CDH7: variants seen among roughly 807,000 people sequenced by gnomAD.
CDH7 encodes cadherin-7.
CDH7 carries 25 observed loss-of-function variants against 71.8 expected under a neutral mutation model. That is an observed-to-expected ratio of 0.35 (90% CI 0.25 to 0.49). The LOEUF (loss-of-function observed/expected upper bound fraction) is 0.49, where lower values mean the gene tolerates loss of function less well. Among genes scored for constraint, CDH7 ranks in the 20% least tolerant of loss-of-function variants. CDH7 has a pLI of 0.99. For synonymous variants in CDH7, 381 were observed against 363.8 expected (o/e 1.05, Z -0.54); for missense variants, 862 against 974.6 (o/e 0.88, Z 1.54).
chr18:65,823,753 C>T (rs1315297123), intron 5 of CDH7, among the ~76,000 whole-genome samples: 1 of 151,874 alleles, frequency 6.6e-6, no homozygotes, highest in Non-Finnish European at 1.5e-5. Flanking sequence ...ATATTCTTCT[C>T]AGAGAGAATC....
At chr18:65,872,423 T>G (rs1389461534) in intron 11 of CDH7, among the ~76,000 whole-genome samples, 2 of 152,070 alleles carry the variant, frequency 1.3e-5, no homozygotes, top group Non-Finnish European at 2.9e-5. Flanking sequence ...GGCTGGAAAA[T>G]TTCAGGAAAG....
intron 4 of CDH7, among the ~76,000 whole-genome samples, chr18:65,817,257 T>C (rs538371141): frequency 6.6e-6 from 1 of 152,284 alleles, no homozygotes; most frequent in East Asian, 1.9e-4. Context: ...ATCATAATTT[T>C]ATATAAGAGG....
intron 7 of CDH7, among the ~76,000 whole-genome samples, chr18:65,853,944 T>TATATATATATATATGG (rs1913250948): frequency 8.9e-6 from 1 of 112,778 alleles, no homozygotes; most frequent in African/African-American, 3.4e-5. Flanking sequence ...TATATATATA[T>TATATATATATATATGG]ATATATATAT....
Position 65,881,178 on chromosome 18 carries a change from T to G in CDH7, c.*284T>G, listed in dbSNP as rs1914220939. ...GTGGTTTGTGAATAGATAGCAACTC[T>G]CATATACCTGCAAAGGCACCAAACC... On this transcript the variant is annotated 3_prime_UTR_variant, in exon 12 of 12. Transcript: ENST00000397968. 3.8e-6 allele frequency: 1 copy of G among 266,304 alleles called. No homozygotes were observed. The highest frequency in any genetic ancestry group is 7.1e-6 in the Non-Finnish European group (1 of 141,294). The allele number at this position is 266,304 out of a possible 1,614,324, so 16.5% of individuals were successfully genotyped here. A position where few individuals can be genotyped will look rare whatever the true frequency, so the allele number is the denominator to read the frequency against.
chr18:65,753,982 G>A (rs1400665984), intron 1 of CDH7, among the ~76,000 whole-genome samples: 1 of 152,060 alleles, frequency 6.6e-6, no homozygotes. Context: ...ATCACACGTG[G>A]CCCAAGGTAA....
intron 2 of CDH7, among the ~76,000 whole-genome samples, chr18:65,796,372 A>G (rs923901938): frequency 6.6e-6 from 1 of 152,168 alleles, no homozygotes; most frequent in African/African-American, 2.4e-5. Flanking sequence ...GACTTTCCCA[A>G]GGTGGCATAA....
rs1398832181 is a variant in CDH7, at chr18:65,762,796, T to G, written c.-47T>G. 6.5e-7 allele frequency: 1 copy of G among 1,545,760 alleles called. No homozygotes were observed. Among genetic ancestry groups the G allele is most frequent in the African/African-American group, 1.4e-5 (1 of 72,262 alleles). On this transcript the variant is annotated 5_prime_UTR_variant, in exon 2 of 12. Transcript: ENST00000397968. ...GCCAACTGGAACTGTGCCTTTTCTC[T>G]TGTCAAGGTTTTTTTCTTACACAGG...
intron 6 of CDH7, among the ~76,000 whole-genome samples, chr18:65,834,346 A>G (rs544706492): frequency 2.2e-4 from 34 of 152,290 alleles, no homozygotes; most frequent in Non-Finnish European, 4.0e-4. Context: ...GAAAAGCTCT[A>G]TAGTACATTC....
intron 11 of CDH7, among the ~76,000 whole-genome samples, chr18:65,878,403 G>T (rs1390598364): frequency 6.6e-6 from 1 of 152,102 alleles, no homozygotes; most frequent in East Asian, 1.9e-4. Context: ...AAAGTTACTT[G>T]TTCCAACATC....
chr18:65,774,316 A>T (rs115982453), intron 2 of CDH7, among the ~76,000 whole-genome samples: 5,105 of 152,114 alleles, frequency 0.034, 277 homozygotes, highest in African/African-American at 0.12. Flanking sequence ...AGCTATAATA[A>T]AATTAAACAT....
In CDH7 at chr18:65,857,967, T is replaced by C; in HGVS notation, c.1372+15T>C. Reference sequence around the variant, plus strand: ...AATGGAGAGCCGTAAGTTGTGAGGCTTAAAACTAAATTAAGATGGAGGACA... The same window carrying C: ...AATGGAGAGCCGTAAGTTGTGAGGCCTAAAACTAAATTAAGATGGAGGACA... On this transcript the variant is annotated intron_variant, in intron 8 of 11. Transcript: ENST00000397968. 1.2e-6 allele frequency: 2 copies of C among 1,611,542 alleles called. No homozygotes were observed. Among genetic ancestry groups the C allele is most frequent in the Non-Finnish European group, 8.5e-7 (1 of 1,178,462 alleles).
In CDH7 at chr18:65,885,854, A is replaced by G. The variant is rs528687114; in HGVS notation, c.*4960A>G. 2 of 152,346 alleles carry G rather than the reference A, an allele frequency of 1.3e-5. No homozygotes were observed. The highest frequency in any genetic ancestry group is 6.5e-5 in the Admixed American group (1 of 15,308). 9.4% of individuals were successfully genotyped at this position (152,346 alleles called of 1,614,324 possible). A position where few individuals can be genotyped will look rare whatever the true frequency, so the allele number is the denominator to read the frequency against. Reference sequence around the variant, plus strand: ...GAGAAATATCTTATTTGCTGTAACAATCTAATTTATATTAAGGTAAGGATT... The same window carrying G: ...GAGAAATATCTTATTTGCTGTAACAGTCTAATTTATATTAAGGTAAGGATT... On this transcript the variant is annotated 3_prime_UTR_variant, in exon 12 of 12. Coordinates refer to ENST00000397968, the MANE Select transcript of CDH7 (RefSeq NM_004361.5).
rs138826876 is a variant in CDH7 at position 65,843,901 on chromosome 18, G to A, written c.1071G>A (p.Pro357=). ...ACCCTCGCTTTCTGAGCTTGGGTCC[G>A]TTCAGTGACACGACAACTGTGAAGA... The part of the protein sequence containing the change: ...DADPRFLSLG[P]FSDTTTVKII... Residue 357 remains proline, a synonymous_variant, in exon 7 of 12, where the codon CCG becomes CCA. Coordinates refer to ENST00000397968, the MANE Select transcript of CDH7 (RefSeq NM_004361.5). 39 of 1,602,588 alleles carry A rather than the reference G, an allele frequency of 2.4e-5. No individual in the cohort carries two copies. The Admixed American group carries it at 3.9e-4, about 16-fold the overall frequency.
At chr18:65,802,480 T>C (rs551404331) in intron 2 of CDH7, among the ~76,000 whole-genome samples, 85 of 152,316 alleles carry the variant, frequency 5.6e-4, no homozygotes, top group African/African-American at 1.7e-3. Context: ...GCCTTGGTTA[T>C]AGACGTTTTC....
At position 65,884,864 on chromosome 18, in the gene CDH7, CATTT is replaced by C. The variant is rs1416149131; in HGVS notation, c.*3972_*3975del. The stretch of plus-strand genomic sequence containing the variant: ...TAACACTAATTATTTTCCAAGTCAC[CATTT>C]AAAGTTTTATTTACAGTTGACCTAA... On this transcript the variant is annotated 3_prime_UTR_variant, in exon 12 of 12. Transcript: ENST00000397968. 2.0e-5 allele frequency: 3 copies of C among 152,118 alleles called. No individual in the cohort carries two copies. The highest frequency in any genetic ancestry group is 7.2e-5 in the African/African-American group (3 of 41,406). 9.4% of individuals were successfully genotyped at this position (152,118 alleles called of 1,614,324 possible).
At chr18:65,789,211 G>A (rs1910618969) in intron 2 of CDH7, among the ~76,000 whole-genome samples, 1 of 152,154 alleles carries the variant, frequency 6.6e-6, no homozygotes, top group Admixed American at 6.5e-5. Context: ...TGGGACATCA[G>A]GCAGGTCTTT....
At chr18:65,829,151 G>A (rs1220005180) in intron 6 of CDH7, among the ~76,000 whole-genome samples, 5 of 60,274 alleles carry the variant, frequency 8.3e-5, no homozygotes, top group African/African-American at 1.6e-4. Context: ...ATGGGGTCTC[G>A]CTTTGTCGCC....
chr18:65,889,954 C>T lies in CDH7; in HGVS notation c.*9060C>T, dbSNP rs1217236802. 1.3e-5 allele frequency: 2 copies of T among 149,500 alleles called. No homozygotes were observed. The highest frequency in any genetic ancestry group is 3.0e-5 in the Non-Finnish European group (2 of 67,388). 9.3% of individuals were successfully genotyped at this position (149,500 alleles called of 1,614,324 possible). ...TTATGTGACACCTCCACTGCCCCCACTTTTTCTTTTTTTTTGACAAGGTCT... is the reference window on the plus strand; with the variant it reads ...TTATGTGACACCTCCACTGCCCCCATTTTTTCTTTTTTTTTGACAAGGTCT... On this transcript the variant is annotated 3_prime_UTR_variant, in exon 12 of 12. Transcript: ENST00000397968.
intron 6 of CDH7, among the ~76,000 whole-genome samples, chr18:65,838,304 G>GA (rs1456361331): frequency 1.3e-5 from 2 of 151,938 alleles, no homozygotes; most frequent in Non-Finnish European, 2.9e-5. Flanking sequence ...ATTTACTTAG[G>GA]AAAAAAGATT....
Sources: allele counts gnomAD v4.1 joint callset (sites outside exome capture counted in the v4.1 genomes callset), GRCh38; gene constraint gnomAD v4.1.1; transcripts MANE v1.5; gene names NCBI Gene and HGNC (gene_info 2026-07-23, HGNC 2026-07-21).